RIPK1: variants seen among roughly 807,000 people sequenced by gnomAD.
The protein encoded by RIPK1 is receptor-interacting serine/threonine-protein kinase 1.
In RIPK1, 27 loss-of-function variants were observed where a neutral mutation model predicts 62.4. The observed-to-expected ratio is 0.43, with a 90% CI of 0.32 to 0.60. The LOEUF is 0.60. RIPK1 is among the 20% of genes least tolerant of loss of function. The pLI, the probability that RIPK1 is intolerant of heterozygous loss-of-function variation, is 0.07. For missense variants in RIPK1, 735 were observed against 831.0 expected (o/e 0.88, Z 1.42); for synonymous variants, 287 against 303.2 (o/e 0.95, Z 0.55).
At chr6:3,091,130 CAG>C (rs1760058719) in intron 7 of RIPK1, among the ~76,000 whole-genome samples, 1 of 9,148 alleles carries the variant, frequency 1.1e-4, no homozygotes. Context: ...CTAGTAACCG[CAG>C]AGCGCCTACC....
At position 3,099,539 on chromosome 6, in the gene RIPK1, G is replaced by C. The variant is rs112657186; in HGVS notation, c.916-4686G>C. 5.3e-5 allele frequency among the ~76,000 whole-genome samples: 8 copies of C among 152,144 alleles called. No homozygotes were observed. In the East Asian group the frequency reaches 1.4e-3, roughly 26 times the overall value. ...AGCCTGGGTGACAAAGTGAGACTCCGTCTCAAAAAAACAAACAAAAAAACC... is the reference window on the plus strand; with the variant it reads ...AGCCTGGGTGACAAAGTGAGACTCCCTCTCAAAAAAACAAACAAAAAAACC... On this transcript the variant is annotated intron_variant, in intron 7 of 10. Coordinates refer to ENST00000259808, the MANE Select transcript of RIPK1 (RefSeq NM_001354930.2).
At chr6:3,108,673 G>A (rs9503400) in intron 9 of RIPK1, among the ~76,000 whole-genome samples, 29,079 of 152,134 alleles carry the variant, frequency 0.19, 7,085 homozygotes, top group African/African-American at 0.57. Flanking sequence ...ATCATTGTCA[G>A]CAAAGAACAC....
At chr6:3,110,204 ATTTTTTTTTT>A (rs3082523) in intron 9 of RIPK1, among the ~76,000 whole-genome samples, 1 of 98,460 alleles carries the variant, frequency 1.0e-5, no homozygotes, top group African/African-American at 3.4e-5. Context: ...AAGAATCACG[ATTTTTTTTTT>A]TTTTTTTTTT....
chr6:3,083,483 T>G (rs1759527646), intron 5 of RIPK1, among the ~76,000 whole-genome samples, 170 bp downstream of exon 5: 1 of 152,118 alleles, frequency 6.6e-6, no homozygotes, highest in South Asian at 2.1e-4. Context: ...GCTGGAGAGG[T>G]GCTGTGAAAT....
In RIPK1 at chr6:3,113,213, G is replaced by A. The variant is rs1295642064; in HGVS notation, c.1890G>A (p.Gln630=). Residue 630 remains glutamine, a synonymous_variant, in exon 11 of 11, where the codon CAG becomes CAA. Transcript: ENST00000259808. This position sits in a 1 kb window ranked among gnomAD's most constrained non-coding sequence, Gnocchi z 5.0. ...ERDGLKEKVY[Q]MLQKWVMREG... ...ATGGACTGAAAGAAAAGGTTTACCAGATGCTCCAAAAGTGGGTGATGAGGG... is the reference window on the plus strand; with the variant it reads ...ATGGACTGAAAGAAAAGGTTTACCAAATGCTCCAAAAGTGGGTGATGAGGG... The A allele has an allele frequency of 2.5e-6, 4 of 1,614,008 alleles. No homozygotes were observed. In the African/African-American group the frequency reaches 4.0e-5, roughly 16 times the overall value.
intron 8 of RIPK1, among the ~76,000 whole-genome samples, chr6:3,104,873 T>C (rs1267764899): frequency 1.3e-5 from 2 of 152,142 alleles, no homozygotes; most frequent in African/African-American, 4.8e-5. Flanking sequence ...TCTTTTTTTT[T>C]TGGAGACAGA....
intron 7 of RIPK1, among the ~76,000 whole-genome samples, chr6:3,097,593 C>T (rs993192285): frequency 6.6e-6 from 1 of 152,102 alleles, no homozygotes; most frequent in Non-Finnish European, 1.5e-5. Context: ...AAATCAGCTC[C>T]AGGTTGATTA....
chr6:3,106,342 A>C (rs1760850124), intron 9 of RIPK1, among the ~76,000 whole-genome samples: 1 of 152,208 alleles, frequency 6.6e-6, no homozygotes, highest in Non-Finnish European at 1.5e-5. Flanking sequence ...TATTTCACCC[A>C]ATCTCTGATA....
chr6:3,095,120 G>A (rs565827318), intron 7 of RIPK1, among the ~76,000 whole-genome samples: 1 of 152,144 alleles, frequency 6.6e-6, no homozygotes, highest in South Asian at 2.1e-4. Flanking sequence ...CATGAATAAG[G>A]AGGAATCACT....
intron 7 of RIPK1, among the ~76,000 whole-genome samples, chr6:3,103,825 T>C (rs1760699923): frequency 6.6e-6 from 1 of 152,212 alleles, no homozygotes; most frequent in Admixed American, 6.5e-5. Context: ...GAAATAAGGG[T>C]CCAACTTCAT....
intron 7 of RIPK1, among the ~76,000 whole-genome samples, chr6:3,090,743 T>C (rs567887278): frequency 5.3e-5 from 8 of 151,832 alleles, no homozygotes; most frequent in South Asian, 4.1e-4. Flanking sequence ...CAGGATACGC[T>C]GCACCTAATA....
chr6:3,083,264 C>A lies in RIPK1; in HGVS notation c.639C>A (p.Ser213Arg), dbSNP rs1561754849. 6.2e-7 allele frequency: 1 copy of A among 1,613,818 alleles called. No individual in the cohort carries two copies. The highest frequency in any genetic ancestry group is 8.5e-7 in the Non-Finnish European group (1 of 1,180,004). ...AKPTEKSDVY[S>R]FAVVLWAIFA... ...CCACAGAGAAGTCGGATGTGTACAG[C>A]TTTGCTGTAGTACTCTGGGCGATAT... The change falls in exon 5 of 11, where the codon AGC (serine) becomes AGA (arginine). Residue 213 changes from serine to arginine, a missense_variant. Physicochemically the swap from Ser to Arg is moderately radical, Grantham distance 110. Transcript: ENST00000259808.
intron 7 of RIPK1, among the ~76,000 whole-genome samples, chr6:3,098,598 T>C (rs1054218048): frequency 9.2e-5 from 14 of 152,210 alleles, no homozygotes; most frequent in African/African-American, 2.9e-4. Context: ...CACAACCAAA[T>C]TCTTTATGGA....
At chr6:3,095,154 T>G (rs11967255) in intron 7 of RIPK1, among the ~76,000 whole-genome samples, 23,031 of 152,178 alleles carry the variant, frequency 0.15, 4,572 homozygotes, top group African/African-American at 0.46. Flanking sequence ...ACATCAAATG[T>G]TATTAAGAGA....
chr6:3,067,932 T>TG (rs1758458266), upstream of RIPK1: 1 of 152,190 alleles, frequency 6.6e-6, no homozygotes, highest in Non-Finnish European at 1.5e-5. Flanking sequence ...TTAGTAGAGA[T>TG]GGGGTTTCAC....
At chr6:3,068,345 C>G, upstream of RIPK1, 4 of 985,464 alleles carry the variant, frequency 4.1e-6, no homozygotes, top group Non-Finnish European at 4.8e-6. Context: ...CCGCCCCACT[C>G]GCTTGAAAAC....
chr6:3,101,263 A>G (rs1218625986), intron 7 of RIPK1, among the ~76,000 whole-genome samples: 1 of 152,158 alleles, frequency 6.6e-6, no homozygotes, highest in Non-Finnish European at 1.5e-5. Flanking sequence ...AAGAAAAAAA[A>G]CAACAAAAAA....
chr6:3,094,862 G>A (rs1760201711), intron 7 of RIPK1, among the ~76,000 whole-genome samples: 1 of 151,942 alleles, frequency 6.6e-6, no homozygotes, highest in African/African-American at 2.4e-5. Flanking sequence ...AGGAGTTTGA[G>A]ACCAGCCTAG....
At chr6:3,069,233 C>G (rs1477304186) in intron 1 of RIPK1, among the ~76,000 whole-genome samples, 1 of 152,246 alleles carries the variant, frequency 6.6e-6, no homozygotes, top group Admixed American at 6.5e-5. Context: ...CTTACCAGCC[C>G]TTTGAAAGGG....
Sources: gnomAD v4.1 joint callset for allele counts (sites outside exome capture counted in the v4.1 genomes callset) on GRCh38, gnomAD v4.1.1 for gene constraint, Gnocchi (gnomAD v3.1) non-coding constraint, MANE v1.5 for transcripts, NCBI Gene and HGNC (gene_info 2026-07-23, HGNC 2026-07-21) for gene names.